Variants in NIM1K observed in about 807,000 individuals in gnomAD.
The protein encoded by NIM1K is NIM1 serine/threonine protein kinase.
Under a neutral mutation model 37.1 loss-of-function variants are expected in NIM1K, and 35 were observed. The ratio of observed to expected loss-of-function variants is 0.94; its 90% CI spans 0.72 to 1.25. The LOEUF (loss-of-function observed/expected upper bound fraction) is 1.25. Ranked by LOEUF, NIM1K falls within the 50% of genes most tolerant of loss-of-function variation. The probability of loss-of-function intolerance (pLI) is 0.00; values close to 1 mark genes in which losing one functional copy is unlikely to be tolerated. For synonymous variants in NIM1K, 234 were observed against 206.6 expected (o/e 1.13, Z -1.14); for missense variants, 564 against 548.0 (o/e 1.03, Z -0.29).
At chr5:43,266,498 G>A (rs768563060) in intron 2 of NIM1K, among the ~76,000 whole-genome samples, 3 of 152,128 alleles carry the variant, frequency 2.0e-5, no homozygotes, top group Non-Finnish European at 4.4e-5. Context: ...GGAGTGTCCC[G>A]ATTTTCCAGG....
intron 2 of NIM1K, among the ~76,000 whole-genome samples, chr5:43,269,831 G>A (rs1275015603): frequency 6.6e-6 from 1 of 152,060 alleles, no homozygotes; most frequent in African/African-American, 2.4e-5. Context: ...TGTTAGCCAG[G>A]ATGGTCTCGA....
intron 2 of NIM1K, among the ~76,000 whole-genome samples, chr5:43,260,335 C>T (rs1753008449): frequency 6.6e-6 from 1 of 152,048 alleles, no homozygotes; most frequent in Non-Finnish European, 1.5e-5. Context: ...TCAACTTTTC[C>T]CCATTTGGTA....
At chr5:43,227,571 CT>C (rs1561079525) in intron 1 of NIM1K, among the ~76,000 whole-genome samples, 1 of 152,090 alleles carries the variant, frequency 6.6e-6, no homozygotes, top group African/African-American at 2.4e-5. Flanking sequence ...TTTTCCTCTC[CT>C]GGGTTGTCCT....
At chr5:43,229,107 T>C (rs987671837) in intron 1 of NIM1K, among the ~76,000 whole-genome samples, 1 of 152,088 alleles carries the variant, frequency 6.6e-6, no homozygotes, top group African/African-American at 2.4e-5. Flanking sequence ...TTGGGCCAGG[T>C]GTGGTGGCTC....
At chr5:43,233,931 G>T (rs1162633229) in intron 1 of NIM1K, among the ~76,000 whole-genome samples, 7 of 152,154 alleles carry the variant, frequency 4.6e-5, no homozygotes. Flanking sequence ...GGCAGGCATA[G>T]GTCCTCAGAG....
At chr5:43,279,764 C>A (rs1266758915) in intron 3 of NIM1K, among the ~76,000 whole-genome samples, 1 of 152,156 alleles carries the variant, frequency 6.6e-6, no homozygotes, top group Non-Finnish European at 1.5e-5. Flanking sequence ...AGACTCCAAC[C>A]CTTACCACAT....
At chr5:43,198,196 TTTC>T in intron 1 of NIM1K, among the ~76,000 whole-genome samples, 1 of 44,008 alleles carries the variant, frequency 2.3e-5, no homozygotes, top group East Asian at 8.1e-4. Flanking sequence ...TCTTTCTTTC[TTTC>T]TTTCTTTCTC....
intron 1 of NIM1K, among the ~76,000 whole-genome samples, chr5:43,226,349 CAGGATCAAAAGCCAGT>C (rs951008501): frequency 6.6e-6 from 1 of 152,154 alleles, no homozygotes; most frequent in African/African-American, 2.4e-5. Flanking sequence ...GTAACTGTAA[CAGGATCAAAAGCCAGT>C]AGTGGCTTAC....
chr5:43,203,617 A>G (rs2112206085), intron 1 of NIM1K, among the ~76,000 whole-genome samples: 1 of 152,296 alleles, frequency 6.6e-6, no homozygotes, highest in African/African-American at 2.4e-5. Context: ...ACTCTGTTAA[A>G]CTTAATTTGG....
At chr5:43,198,199 CTT>C (rs1441320929) in intron 1 of NIM1K, among the ~76,000 whole-genome samples, 1,625 of 49,658 alleles carry the variant, frequency 0.033, 9 homozygotes, top group Middle Eastern at 0.061. Context: ...TTCTTTCTTT[CTT>C]TCTTTCTCTT....
rs534711050 is a variant in NIM1K, at chr5:43,195,387, G to A, written c.-695+2976G>A. On this transcript the variant is annotated intron_variant, in intron 1 of 3. Transcript: ENST00000326035. ...AAAAGCCAAGTGATAGGTCGGTGCC[G>A]TGGCTCAGGCCTGTAATCCCAATAC... is the stretch of plus-strand genomic sequence containing the variant. Among the ~76,000 whole-genome samples, 10 of 152,256 alleles carry A rather than the reference G, an allele frequency of 6.6e-5. No homozygotes were observed. In the East Asian group the frequency reaches 1.2e-3, roughly 18 times the overall value.
At chr5:43,231,692 G>C in intron 1 of NIM1K, 1 of 545,450 alleles carries the variant, frequency 1.8e-6, no homozygotes, top group Non-Finnish European at 3.4e-6. Context: ...GCATAGGTCA[G>C]TAGTTGTATA....
chr5:43,208,057 AC>A (rs1370871021), intron 1 of NIM1K, among the ~76,000 whole-genome samples: 1 of 151,220 alleles, frequency 6.6e-6, no homozygotes, highest in Non-Finnish European at 1.5e-5. Context: ...GAATGCACTG[AC>A]CCCCCCTGGA....
At chr5:43,277,587 C>T (rs1228400159) in intron 3 of NIM1K, among the ~76,000 whole-genome samples, 4 of 152,082 alleles carry the variant, frequency 2.6e-5, no homozygotes, top group African/African-American at 4.8e-5. Flanking sequence ...GAATATCACC[C>T]ACTCCCTGGC....
intron 1 of NIM1K, among the ~76,000 whole-genome samples, chr5:43,206,421 A>G (rs1490076035): frequency 2.7e-5 from 4 of 145,666 alleles, no homozygotes; most frequent in African/African-American, 1.0e-4. Context: ...GGATTGCTTG[A>G]GCCCAGGGAT....
intron 1 of NIM1K, among the ~76,000 whole-genome samples, chr5:43,219,103 T>C (rs1179197214): frequency 6.6e-6 from 1 of 152,166 alleles, no homozygotes; most frequent in East Asian, 1.9e-4. Flanking sequence ...GGAGGACATG[T>C]TCGCTTCCCC....
At chr5:43,207,205 G>A (rs755172373) in intron 1 of NIM1K, 10 of 747,570 alleles carry the variant, frequency 1.3e-5, no homozygotes, top group Non-Finnish European at 2.3e-5. Context: ...ATTTGGCAGA[G>A]AGTGATTTGG....
intron 1 of NIM1K, chr5:43,206,994 A>C: frequency 1.3e-6 from 1 of 756,366 alleles, no homozygotes; most frequent in South Asian, 1.4e-5. Context: ...GAATTGAGTC[A>C]GGACAGTACT....
At chr5:43,260,856 C>T (rs921071406) in intron 2 of NIM1K, among the ~76,000 whole-genome samples, 4 of 151,946 alleles carry the variant, frequency 2.6e-5, no homozygotes, top group African/African-American at 7.3e-5. Context: ...TGAGAACATT[C>T]GGTGTTTGGT....
Sources: gnomAD v4.1 joint callset for allele counts (sites outside exome capture counted in the v4.1 genomes callset) on GRCh38, gnomAD v4.1.1 for gene constraint, MANE v1.5 for transcripts, NCBI Gene and HGNC (gene_info 2026-07-23, HGNC 2026-07-21) for gene names.